The following KCNK1 variants were observed in gnomAD, a reference collection of about 807,000 sequenced individuals.
KCNK1 encodes the protein potassium two pore domain channel subfamily K member 1, also known as potassium channel subfamily K member 1.
A neutral mutation model predicts 22.2 loss-of-function variants in KCNK1; 10 were observed. The ratio of observed to expected loss-of-function variants is 0.45; its 90% CI spans 0.28 to 0.76. The LOEUF is 0.76. Among genes scored for constraint, KCNK1 ranks in the 30% least tolerant of loss-of-function variants. The pLI, the probability that KCNK1 is intolerant of heterozygous loss-of-function variation, is 0.14. For missense variants in KCNK1, 378 were observed against 421.0 expected (o/e 0.90, Z 0.89); for synonymous variants, 200 against 186.4 (o/e 1.07, Z -0.60).
chr1:233,671,118 T>G (rs1364943599), intron 2 of KCNK1, among the ~76,000 whole-genome samples, 153 bp from the exon 3 acceptor site: 3 of 152,236 alleles, frequency 2.0e-5, no homozygotes, highest in Non-Finnish European at 4.4e-5. Context: ...CTTTGAACCA[T>G]GAACTTAAAA....
At chr1:233,667,530 A>G in intron 2 of KCNK1, among the ~76,000 whole-genome samples, 1 of 151,928 alleles carries the variant, frequency 6.6e-6, no homozygotes, top group Non-Finnish European at 1.5e-5. Flanking sequence ...GGAGATCGAG[A>G]CCATCCTGGC....
intron 1 of KCNK1, among the ~76,000 whole-genome samples, chr1:233,629,311 C>G (rs971126640): frequency 6.6e-6 from 1 of 152,176 alleles, no homozygotes; most frequent in South Asian, 2.1e-4. Flanking sequence ...GTCAGGGAAG[C>G]TTTATGGAGT....
chr1:233,666,789 G>A lies in KCNK1; in HGVS notation c.550G>A (p.Ala184Thr). 2 of 1,614,186 alleles carry A rather than the reference G, an allele frequency of 1.2e-6. No individual in the cohort carries two copies. The highest frequency in any genetic ancestry group is 8.5e-7 in the Non-Finnish European group (1 of 1,180,048). ...CAAGCAGGTGGTGGCCATCGTCCAT[G>A]CCGTGCTCCTTGGGTTTGTCACTGT... ...FSKQVVAIVH[A>T]VLLGFVTVSC... Residue 184 changes from alanine to threonine, a missense_variant, in exon 2 of 3, where the codon GCC becomes ACC. By Grantham distance (58) the Ala-to-Thr change is moderately conservative (BLOSUM62 0). Coordinates refer to ENST00000366621, the MANE Select transcript of KCNK1 (RefSeq NM_002245.4).
At chr1:233,636,149 A>G (rs1322218452) in intron 1 of KCNK1, among the ~76,000 whole-genome samples, 3 of 152,236 alleles carry the variant, frequency 2.0e-5, no homozygotes, top group Non-Finnish European at 4.4e-5. Context: ...CAGATCATGT[A>G]GGACCTTATG....
intron 2 of KCNK1, among the ~76,000 whole-genome samples, chr1:233,669,181 A>G (rs1175394595): frequency 4.6e-5 from 7 of 152,174 alleles, no homozygotes; most frequent in Non-Finnish European, 1.0e-4. Context: ...TTCATATTAT[A>G]GGTGATTGTT....
chr1:233,659,475 C>T (rs115641455), intron 1 of KCNK1, among the ~76,000 whole-genome samples: 3,558 of 149,468 alleles, frequency 0.024, 61 homozygotes, highest in Middle Eastern at 0.045. Flanking sequence ...CAGGCAAGTC[C>T]TGTAGAAGGA....
intron 1 of KCNK1, among the ~76,000 whole-genome samples, chr1:233,646,538 A>T (rs1464723036): frequency 1.3e-5 from 2 of 151,680 alleles, no homozygotes; most frequent in Non-Finnish European, 2.9e-5. Context: ...CACCATTATT[A>T]TTATTATTAT....
chr1:233,632,134 A>T (rs572827931), intron 1 of KCNK1, among the ~76,000 whole-genome samples: 2 of 152,246 alleles, frequency 1.3e-5, no homozygotes, highest in African/African-American at 2.4e-5. Context: ...CATTTGGCTG[A>T]AAAGCTTCTT....
At chr1:233,617,452 G>A (rs568756503) in intron 1 of KCNK1, among the ~76,000 whole-genome samples, 31 of 152,248 alleles carry the variant, frequency 2.0e-4, no homozygotes, top group African/African-American at 6.3e-4. Flanking sequence ...GTTCATGGCC[G>A]GGGAACTTAT....
At chr1:233,661,032 G>C (rs1312279613) in intron 1 of KCNK1, among the ~76,000 whole-genome samples, 1 of 152,096 alleles carries the variant, frequency 6.6e-6, no homozygotes, top group East Asian at 1.9e-4. Flanking sequence ...TTTGGAAATT[G>C]TTATGAAGGT....
At chr1:233,653,221 C>G (rs1044491706) in intron 1 of KCNK1, among the ~76,000 whole-genome samples, 2 of 152,194 alleles carry the variant, frequency 1.3e-5, no homozygotes, top group African/African-American at 4.8e-5. Flanking sequence ...AAGTTCCCCC[C>G]TTGATTCCTT....
rs1658603701 is a variant in KCNK1 at position 233,671,751 on chromosome 1, A to C, written c.*221A>C. ...TAATATGTGAGGAAATGAGATGTCC[A>C]CCTAAAATTCATATGTGACAAAATT... On this transcript the variant is annotated 3_prime_UTR_variant, in exon 3 of 3. Coordinates refer to ENST00000366621, the MANE Select transcript of KCNK1 (RefSeq NM_002245.4). 2 of 576,076 alleles carry C rather than the reference A, an allele frequency of 3.5e-6. No homozygotes were observed. The highest frequency in any genetic ancestry group is 3.7e-5 in the African/African-American group (2 of 53,436). The allele number at this position is 576,076 out of a possible 1,614,324, so 35.7% of individuals were successfully genotyped here.
At chr1:233,658,718 G>A (rs1160212163) in intron 1 of KCNK1, among the ~76,000 whole-genome samples, 1 of 152,226 alleles carries the variant, frequency 6.6e-6, no homozygotes, top group Non-Finnish European at 1.5e-5. Context: ...TTACCGTACT[G>A]AAGACTGTAG....
chr1:233,658,972 A>C (rs1658346306), intron 1 of KCNK1, among the ~76,000 whole-genome samples: 1 of 152,138 alleles, frequency 6.6e-6, no homozygotes, highest in African/African-American at 2.4e-5. Context: ...GGCTAAGTTC[A>C]GTTATTTAAA....
chr1:233,629,586 G>A (rs701219), intron 1 of KCNK1: 63,382 of 151,856 alleles, frequency 0.42, 15,242 homozygotes, highest in African/African-American at 0.68. Context: ...GAGCCTCTGT[G>A]GGCTCCTGGT....
intron 1 of KCNK1, among the ~76,000 whole-genome samples, chr1:233,653,478 A>C (rs1252829778): frequency 2.6e-5 from 4 of 152,188 alleles, no homozygotes; most frequent in Non-Finnish European, 5.9e-5. Context: ...ATCTGGGTGC[A>C]TCTGTGAGGG....
In KCNK1 at chr1:233,666,914, C is replaced by G; in HGVS notation, c.675C>G (p.Thr225=). 6.2e-7 allele frequency: 1 copy of G among 1,613,974 alleles called. No homozygotes were observed. Among genetic ancestry groups the G allele is most frequent in the Non-Finnish European group, 8.5e-7 (1 of 1,179,862 alleles). Residue 225 remains threonine, a synonymous_variant, in exon 2 of 3, where the codon ACC becomes ACG. Transcript: ENST00000366621. ...SFYFCFISLS[T]IGLGDYVPGE... is the part of the protein sequence containing the mutation. ...ATTTTTGTTTTATTTCCCTGAGCAC[C>G]ATTGGCCTGGGGGATTATGTGCCTG... is the stretch of plus-strand genomic sequence containing the variant.
chr1:233,626,250 T>G (rs964445581), intron 1 of KCNK1, among the ~76,000 whole-genome samples: 1 of 151,426 alleles, frequency 6.6e-6, no homozygotes, highest in Non-Finnish European at 1.5e-5. Flanking sequence ...GAAAGAAGAG[T>G]GAAGAATGAC....
At chr1:233,650,044 C>T (rs775164892) in intron 1 of KCNK1, 2 of 533,274 alleles carry the variant, frequency 3.8e-6, no homozygotes, top group East Asian at 1.1e-4. Context: ...CCTGAGAGTA[C>T]ACCAGGTGAT....
Sources: gnomAD v4.1 joint callset for allele counts (sites outside exome capture counted in the v4.1 genomes callset) on GRCh38, gnomAD v4.1.1 for gene constraint, MANE v1.5 for transcripts, NCBI Gene and HGNC (gene_info 2026-07-23, HGNC 2026-07-21) for gene names.